The following MAP2K5 variants were observed in gnomAD, a reference collection of about 807,000 sequenced individuals.
The protein encoded by MAP2K5 is mitogen-activated protein kinase kinase 5.
A neutral mutation model predicts 83.1 loss-of-function variants in MAP2K5; 49 were observed. The observed-to-expected ratio is 0.59, with a 90% CI of 0.47 to 0.75. The LOEUF is 0.75. Ranked by LOEUF, MAP2K5 falls within the 30% of genes least tolerant of loss-of-function variation. The pLI, the probability that MAP2K5 is intolerant of heterozygous loss-of-function variation, is 0.00. For missense variants in MAP2K5, 457 were observed against 557.5 expected (o/e 0.82, Z 1.82); for synonymous variants, 202 against 191.8 (o/e 1.05, Z -0.44).
rs937351858 is a variant in MAP2K5, at chr15:67,591,795, C to G, written c.432-1131C>G. Among the ~76,000 whole-genome samples, 4 of 152,002 alleles carry G rather than the reference C, an allele frequency of 2.6e-5. No individual in the cohort carries two copies. The East Asian group carries it at 7.7e-4, about 29-fold the overall frequency. On this transcript the variant is annotated intron_variant, in intron 6 of 21. Coordinates refer to ENST00000178640, the MANE Select transcript of MAP2K5 (RefSeq NM_145160.3). ...TAAAGCTAGATGACTTAAGAGCTCC[C>G]CTTGACTACCATTTTTCTTCAATAA...
intron 15 of MAP2K5, among the ~76,000 whole-genome samples, chr15:67,694,887 A>T (rs1185994365): frequency 1.3e-5 from 2 of 152,212 alleles, no homozygotes; most frequent in African/African-American, 2.4e-5. Context: ...AGACAGGATT[A>T]AAAAAATGTG....
At position 67,794,059 on chromosome 15, in the gene MAP2K5, G is replaced by A. The variant is rs1566966546; in HGVS notation, c.1243-12587G>A. On this transcript the variant is annotated intron_variant, in intron 21 of 21. Coordinates refer to ENST00000178640, the MANE Select transcript of MAP2K5 (RefSeq NM_145160.3). This position sits in a 1 kb window ranked among gnomAD's most constrained non-coding sequence, Gnocchi z 4.6. ...TTTCTTAACAGTGGAAATAGACTTTGGTTTCATGAGGCTCTGCAGTGAAGG... is the reference window on the plus strand; with the variant it reads ...TTTCTTAACAGTGGAAATAGACTTTAGTTTCATGAGGCTCTGCAGTGAAGG... Among the ~76,000 whole-genome samples, 1 of 152,196 alleles carries A rather than the reference G, an allele frequency of 6.6e-6. No homozygotes were observed. The highest frequency in any genetic ancestry group is 1.5e-5 in the Non-Finnish European group (1 of 68,034).
At position 67,690,317 on chromosome 15, in the gene MAP2K5, A is replaced by T. The variant is rs575463271; in HGVS notation, c.848-2162A>T. ...TGTGTTGTGCTAACTACTGGGGCAC[A>T]CTTGAAAGCACAACCCTGTTCTTAA... On this transcript the variant is annotated intron_variant, in intron 13 of 21. Transcript: ENST00000178640. The surrounding 1 kb of genome is among the most constrained non-coding windows in gnomAD (Gnocchi z 4.3). 5.3e-5 allele frequency among the ~76,000 whole-genome samples: 8 copies of T among 152,222 alleles called. No homozygotes were observed. Among genetic ancestry groups the T allele is most frequent in the Non-Finnish European group, 1.2e-4 (8 of 68,040 alleles).
chr15:67,697,819 C>G (rs1413464117), intron 15 of MAP2K5, among the ~76,000 whole-genome samples: 4 of 152,148 alleles, frequency 2.6e-5, no homozygotes, highest in African/African-American at 9.7e-5. Flanking sequence ...CTCACTTAAT[C>G]TGTAATCGAA....
chr15:67,568,934 A>G (rs948736297), intron 3 of MAP2K5, among the ~76,000 whole-genome samples: 1 of 142,674 alleles, frequency 7.0e-6, no homozygotes, highest in African/African-American at 2.6e-5. Context: ...TGAACCCGGG[A>G]GGCAGAGGTT....
At chr15:67,617,417 G>C (rs1464952089) in intron 8 of MAP2K5, among the ~76,000 whole-genome samples, 1 of 152,170 alleles carries the variant, frequency 6.6e-6, no homozygotes, top group African/African-American at 2.4e-5. Flanking sequence ...GTATGAGATT[G>C]TACCAGCTTT....
chr15:67,806,850 G>A lies in MAP2K5; in HGVS notation c.*100G>A. On this transcript the variant is annotated 3_prime_UTR_variant, in exon 22 of 22. Coordinates refer to ENST00000178640, the MANE Select transcript of MAP2K5 (RefSeq NM_145160.3). ...CTGCCTGCGCCAGAAGAGCTTTGCT[G>A]GGCCCTGGCTTCCCTGCCCTCGCCT... 1 of 1,596,584 alleles carries A rather than the reference G, an allele frequency of 6.3e-7. No individual in the cohort carries two copies. The highest frequency in any genetic ancestry group is 8.5e-7 in the Non-Finnish European group (1 of 1,178,844).
At chr15:67,641,811 T>G (rs1387169349) in intron 9 of MAP2K5, among the ~76,000 whole-genome samples, 1 of 152,228 alleles carries the variant, frequency 6.6e-6, no homozygotes, top group Non-Finnish European at 1.5e-5. Flanking sequence ...AAAATTAGTC[T>G]TTGCCATGCT....
chr15:67,797,490 A>G (rs907605145), intron 21 of MAP2K5, among the ~76,000 whole-genome samples: 4 of 152,170 alleles, frequency 2.6e-5, no homozygotes, highest in African/African-American at 9.7e-5. Context: ...AGTACCTTGG[A>G]GATATTCTGT....
chr15:67,697,229 T>G (rs2088287442), intron 15 of MAP2K5, among the ~76,000 whole-genome samples: 1 of 152,184 alleles, frequency 6.6e-6, no homozygotes. Context: ...CATGCATACT[T>G]CTGTATAGTG....
rs1052821588 is a variant in MAP2K5, at chr15:67,690,423, G to C, written c.848-2056G>C. 2.6e-5 allele frequency among the ~76,000 whole-genome samples: 4 copies of C among 152,154 alleles called. No individual in the cohort carries two copies. The highest frequency in any genetic ancestry group is 5.9e-5 in the Non-Finnish European group (4 of 68,038). ...TAAGGAGACAAGTGATGTAGTGAAAGTGGTATATTTAAGGTTTAATATGAT... is the reference window on the plus strand; with the variant it reads ...TAAGGAGACAAGTGATGTAGTGAAACTGGTATATTTAAGGTTTAATATGAT... On this transcript the variant is annotated intron_variant, in intron 13 of 21. Coordinates refer to ENST00000178640, the MANE Select transcript of MAP2K5 (RefSeq NM_145160.3). This position sits in a 1 kb window ranked among gnomAD's most constrained non-coding sequence, Gnocchi z 4.3.
chr15:67,624,270 C>T (rs1190517984), intron 8 of MAP2K5, among the ~76,000 whole-genome samples: 5 of 139,954 alleles, frequency 3.6e-5, no homozygotes, highest in African/African-American at 8.0e-5. Flanking sequence ...ACCCGGGAAG[C>T]GGAGCTGGCA....
intron 12 of MAP2K5, among the ~76,000 whole-genome samples, chr15:67,659,854 C>A (rs749920728): frequency 1.3e-5 from 2 of 152,142 alleles, no homozygotes; most frequent in Admixed American, 1.3e-4. Flanking sequence ...CTTCATAAAT[C>A]TTACTTCCCT....
At chr15:67,732,975 C>T (rs970412428) in intron 17 of MAP2K5, among the ~76,000 whole-genome samples, 26 of 152,120 alleles carry the variant, frequency 1.7e-4, no homozygotes, top group Admixed American at 5.2e-4. Flanking sequence ...GGCTTAACAG[C>T]GACTGTGGGC....
chr15:67,577,558 T>C lies in MAP2K5; in HGVS notation c.253-3196T>C, dbSNP rs1382596746. On this transcript the variant is annotated intron_variant, in intron 3 of 21. Transcript: ENST00000178640. This position sits in a 1 kb window ranked among gnomAD's most constrained non-coding sequence, Gnocchi z 4.1. ...TAGTGTACAAAGTTTAGGGGTGTTTTTTTGGTCGTTGCTGTTTGTTTCTTT... is the reference window on the plus strand; with the variant it reads ...TAGTGTACAAAGTTTAGGGGTGTTTCTTTGGTCGTTGCTGTTTGTTTCTTT... Among the ~76,000 whole-genome samples, 1 of 152,246 alleles carries C rather than the reference T, an allele frequency of 6.6e-6. No homozygotes were observed. Among genetic ancestry groups the C allele is most frequent in the East Asian group, 1.9e-4 (1 of 5,204 alleles).
At chr15:67,590,318 T>G (rs2085371365) in intron 6 of MAP2K5, among the ~76,000 whole-genome samples, 1 of 152,172 alleles carries the variant, frequency 6.6e-6, no homozygotes, top group South Asian at 2.1e-4. Context: ...CTATTAAAGG[T>G]GCCAAATGGA....
chr15:67,728,218 GT>G (rs1370296944), intron 17 of MAP2K5, among the ~76,000 whole-genome samples: 10 of 151,994 alleles, frequency 6.6e-5, no homozygotes, highest in African/African-American at 2.2e-4. Flanking sequence ...CCAATACCAT[GT>G]ACTCATTTTG....
At chr15:67,766,196 G>T (rs1030467154) in intron 19 of MAP2K5, among the ~76,000 whole-genome samples, 1 of 152,188 alleles carries the variant, frequency 6.6e-6, no homozygotes, top group Non-Finnish European at 1.5e-5. Context: ...GACCCAGCTT[G>T]TGTCCCTTCA....
In MAP2K5 at chr15:67,786,592, G is replaced by A. The variant is rs557142628; in HGVS notation, c.1242+13840G>A. On this transcript the variant is annotated intron_variant, in intron 21 of 21. Transcript: ENST00000178640. The surrounding 1 kb of genome is among the most constrained non-coding windows in gnomAD (Gnocchi z 4.7). ...GGTGCGGGAGCTCGGAACAGTGGCCGAGGGGCCGTAGTAGTCAGTGAGGAT... is the reference window on the plus strand; with the variant it reads ...GGTGCGGGAGCTCGGAACAGTGGCCAAGGGGCCGTAGTAGTCAGTGAGGAT... Among the ~76,000 whole-genome samples, 1 of 152,294 alleles carries A rather than the reference G, an allele frequency of 6.6e-6. No individual in the cohort carries two copies. Among genetic ancestry groups the A allele is most frequent in the South Asian group, 2.1e-4 (1 of 4,824 alleles).
Sources: allele counts gnomAD v4.1 joint callset (sites outside exome capture counted in the v4.1 genomes callset), GRCh38; gene constraint gnomAD v4.1.1; non-coding constraint Gnocchi (gnomAD v3.1); transcripts MANE v1.5; gene names NCBI Gene and HGNC (gene_info 2026-07-23, HGNC 2026-07-21).